Variants in KLC2 observed in about 807,000 individuals in gnomAD.
The protein encoded by KLC2 is kinesin light chain 2, also known as KLC 2.
A neutral mutation model predicts 75.1 loss-of-function variants in KLC2; 35 were observed. The observed-to-expected ratio is 0.47, with a 90% CI of 0.36 to 0.62. The LOEUF is 0.62. Among genes scored for constraint, KLC2 ranks in the 20% least tolerant of loss-of-function variants. The pLI, the probability that KLC2 is intolerant of heterozygous loss-of-function variation, is 0.00. For synonymous variants in KLC2, 314 were observed against 336.7 expected (o/e 0.93, Z 0.74); for missense variants, 611 against 833.2 (o/e 0.73, Z 3.28).
At position 66,258,645 on chromosome 11, in the gene KLC2, C is replaced by G. The variant is rs775129452; in HGVS notation, c.51C>G (p.Ile17Met). 6.2e-7 allele frequency: 1 copy of G among 1,613,914 alleles called. No individual in the cohort carries two copies. The highest frequency in any genetic ancestry group is 1.3e-5 in the African/African-American group (1 of 74,962). Residue 17 changes from isoleucine (I) to methionine (M), a missense_variant, in exon 2 of 16, where the codon ATC (isoleucine) becomes ATG (methionine). Coordinates refer to ENST00000394067, the MANE Select transcript of KLC2 (RefSeq NM_001318734.2). ...PREEKLSQDEIVLGTKAVIQG... is the reference protein window; with the variant it reads ...PREEKLSQDEMVLGTKAVIQG... Reference sequence around the variant, plus strand: ...AGGAGAAGCTGAGCCAGGATGAGATCGTGCTGGGCACCAAGGCTGTCATCC... The same window carrying G: ...AGGAGAAGCTGAGCCAGGATGAGATGGTGCTGGGCACCAAGGCTGTCATCC...
At chr11:66,262,759 C>A in intron 4 of KLC2, 55 bp from the exon 5 acceptor site, 1 of 1,348,358 alleles carries the variant, frequency 7.4e-7, no homozygotes, top group Non-Finnish European at 1.0e-6. Flanking sequence ...TGGCATGTGC[C>A]ATCCCAGTCC....
chr11:66,264,522 T>G, intron 9 of KLC2, 78 bp downstream of exon 9: 1 of 1,071,680 alleles, frequency 9.3e-7, no homozygotes, highest in Non-Finnish European at 1.4e-6. Context: ...GACAAATCCC[T>G]CAGCAGGGCA....
rs1393686599 is a variant in KLC2, at chr11:66,261,761, G to A, written c.248G>A (p.Ser83Asn). Residue 83 changes from serine (S) to asparagine (N), a missense_variant, in exon 3 of 16, where the codon AGC becomes AAC. By Grantham distance (46) the Ser-to-Asn change is conservative (BLOSUM62 1). Coordinates refer to ENST00000394067, the MANE Select transcript of KLC2 (RefSeq NM_001318734.2). ...GCACAGGTGATCTTGGCATTGTCGAGCCACCTGGGGGCTGTAGAATCAGAG... is the reference window on the plus strand; with the variant it reads ...GCACAGGTGATCTTGGCATTGTCGAACCACCTGGGGGCTGTAGAATCAGAG... Reference protein sequence around the residue: ...GEAQVILALSSHLGAVESEKQ... With the variant: ...GEAQVILALSNHLGAVESEKQ... The A allele has an allele frequency of 6.2e-7, 1 of 1,611,916 alleles. No homozygotes were observed. The highest frequency in any genetic ancestry group is 1.1e-5 in the South Asian group (1 of 90,982).
chr11:66,262,645 C>G lies in KLC2; in HGVS notation c.530-169C>G, dbSNP rs145202900. 3 of 605,428 alleles carry G rather than the reference C, an allele frequency of 5.0e-6. No homozygotes were observed. The African/African-American group carries it at 5.5e-5, about 11-fold the overall frequency. 37.5% of individuals were successfully genotyped at this position (605,428 alleles called of 1,614,324 possible). A position where few individuals can be genotyped will look rare whatever the true frequency, so the allele number is the denominator to read the frequency against. On this transcript the variant is annotated intron_variant, in intron 4 of 15. Coordinates refer to ENST00000394067, the MANE Select transcript of KLC2 (RefSeq NM_001318734.2). ...AGTACTGGAGCTGGGCCTCTACCCC[C>G]TCTTTCTATGGGGTAACTAGACCCA...
chr11:66,265,755 C>G lies in KLC2; in HGVS notation c.1435C>G (p.Arg479Gly), dbSNP rs200379774. ...ACTAGAGGACTGTGCCAGCCGTAAC[C>G]GCAAGCAGGTGGGGCTCCATGCAGG... The part of the protein sequence containing the change: ...HTLEDCASRN[R>G]KQGLDPASQT... Residue 479 changes from arginine (R) to glycine (G), a missense_variant, in exon 12 of 16, where the codon CGC becomes GGC. Coordinates refer to ENST00000394067, the MANE Select transcript of KLC2 (RefSeq NM_001318734.2). 1.2e-6 allele frequency: 2 copies of G among 1,613,490 alleles called. No individual in the cohort carries two copies. The highest frequency in any genetic ancestry group is 1.3e-5 in the African/African-American group (1 of 74,920).
In KLC2 at chr11:66,267,506, G is replaced by C. The variant is rs1856923340; in HGVS notation, c.*550G>C. On this transcript the variant is annotated 3_prime_UTR_variant, in exon 16 of 16. Transcript: ENST00000394067. ...CTCGGGAGCGGCGCCTCCCAAGGGG[G>C]TCCTGGGACCTTCTCGCGCTCCTCC... 5.8e-6 allele frequency: 4 copies of C among 683,956 alleles called. No individual in the cohort carries two copies. Among genetic ancestry groups the C allele is most frequent in the African/African-American group, 1.8e-5 (1 of 56,242 alleles). The allele number at this position is 683,956 out of a possible 1,614,324, so 42.4% of individuals were successfully genotyped here. A position where few individuals can be genotyped will look rare whatever the true frequency, so the allele number is the denominator to read the frequency against.
intron 2 of KLC2, 138 bp from the exon 3 acceptor site, chr11:66,261,604 A>G: frequency 5.0e-6 from 3 of 606,008 alleles, no homozygotes; most frequent in Non-Finnish European, 8.8e-6. Context: ...CTTGACAAGC[A>G]GAGAAAAGAC....
chr11:66,249,456 G>A, the KLC2 span, among the ~76,000 whole-genome samples: 2 of 152,046 alleles, frequency 1.3e-5, no homozygotes, highest in East Asian at 3.8e-4. Context: ...TGCTTCTTTC[G>A]CCACCCCTTT....
intron 3 of KLC2, 40 bp downstream of exon 3, chr11:66,262,012 C>A: frequency 1.3e-6 from 2 of 1,596,656 alleles, no homozygotes; most frequent in South Asian, 2.2e-5. Context: ...AGCAAGGAGG[C>A]CTGGGAGCAG....
At chr11:66,247,626 C>CTT in the KLC2 span, among the ~76,000 whole-genome samples, 1 of 147,240 alleles carries the variant, frequency 6.8e-6, no homozygotes, top group Non-Finnish European at 1.5e-5. Context: ...TCCAACCCCT[C>CTT]TTTTTTTTTT....
Position 66,267,713 on chromosome 11 carries a change from C to A in KLC2, c.*757C>A, listed in dbSNP as rs889467459. The A allele has an allele frequency of 1.9e-4, 91 of 476,694 alleles. No individual in the cohort carries two copies. The highest frequency in any genetic ancestry group is 2.9e-4 in the Non-Finnish European group (79 of 269,364). The allele number at this position is 476,694 out of a possible 1,614,324, so 29.5% of individuals were successfully genotyped here. A position where few individuals can be genotyped will look rare whatever the true frequency, so the allele number is the denominator to read the frequency against. The stretch of plus-strand genomic sequence containing the variant: ...CCCCGGGCACCGCCCACCGAGCCAT[C>A]CTGCCTCGCCTCCCCCCACGCCTGC... On this transcript the variant is annotated 3_prime_UTR_variant, in exon 16 of 16. Coordinates refer to ENST00000394067, the MANE Select transcript of KLC2 (RefSeq NM_001318734.2).
chr11:66,251,602 G>A, the KLC2 span, among the ~76,000 whole-genome samples: 2 of 150,168 alleles, frequency 1.3e-5, no homozygotes, highest in Non-Finnish European at 3.0e-5. Context: ...GTGAAACCCC[G>A]TCTCTACTAA....
chr11:66,248,898 CTT>C, the KLC2 span, among the ~76,000 whole-genome samples: 5 of 151,906 alleles, frequency 3.3e-5, no homozygotes, highest in Non-Finnish European at 5.9e-5. Context: ...ACACCTGGCT[CTT>C]TGTTTTGTTT....
chr11:66,247,077 C>T, the KLC2 span, among the ~76,000 whole-genome samples: 105 of 152,292 alleles, frequency 6.9e-4, no homozygotes, highest in Middle Eastern at 3.4e-3. Flanking sequence ...AATGCAAACT[C>T]GGTTCTTCAG....
intron 2 of KLC2, chr11:66,260,998 G>A (rs1411637631): frequency 6.6e-6 from 1 of 151,880 alleles, no homozygotes; most frequent in East Asian, 1.9e-4. Flanking sequence ...GGTAGAGGCT[G>A]CAGTGAGCTG....
intron 4 of KLC2, chr11:66,262,432 A>G (rs1856500247): frequency 1.7e-6 from 1 of 573,788 alleles, no homozygotes; most frequent in Admixed American, 3.0e-5. Flanking sequence ...CTCTGCCACT[A>G]GCTTCCCTGA....
the KLC2 span, chr11:66,244,548 A>C: frequency 1.3e-5 from 2 of 152,282 alleles, no homozygotes; most frequent in African/African-American, 4.8e-5. Context: ...ACTCCTTCCC[A>C]GAAGTTTTTG....
intron 2 of KLC2, 126 bp downstream of exon 2, chr11:66,258,948 C>A (rs1030820518): frequency 6.0e-6 from 4 of 666,094 alleles, no homozygotes; most frequent in African/African-American, 3.6e-5. Flanking sequence ...CATGTTAGGA[C>A]CCCAGTAAAT....
chr11:66,255,171 A>C (rs1213189396), upstream of KLC2, among the ~76,000 whole-genome samples: 1 of 152,218 alleles, frequency 6.6e-6, no homozygotes, highest in Non-Finnish European at 1.5e-5. Context: ...ACCAAAATGC[A>C]ATCAGTGCAA....
Sources: gnomAD v4.1 joint callset for allele counts (sites outside exome capture counted in the v4.1 genomes callset) on GRCh38, gnomAD v4.1.1 for gene constraint, MANE v1.5 for transcripts, NCBI Gene and HGNC (gene_info 2026-07-23, HGNC 2026-07-21) for gene names.